GPM6B: variants seen among roughly 807,000 people sequenced by gnomAD.
GPM6B encodes the protein neuronal membrane glycoprotein M6-b.
GPM6B carries 4 observed loss-of-function variants against 27.2 expected under a neutral mutation model. The observed-to-expected ratio is 0.15, with a 90% CI of 0.07 to 0.34. GPM6B has a LOEUF of 0.34. GPM6B is among the 10% of genes least tolerant of loss of function. GPM6B has a pLI of 1.00. For missense variants in GPM6B, 183 were observed against 261.9 expected (o/e 0.70, Z 2.08); for synonymous variants, 124 against 103.1 (o/e 1.20, Z -1.23).
chrX:13,824,141 A>G (rs764079470), intron 1 of GPM6B, among the ~76,000 whole-genome samples: 8 of 111,989 alleles, frequency 7.1e-5, no homozygotes, highest in Admixed American at 5.6e-4. Flanking sequence ...TGGATGTGTA[A>G]CAGCATCCCT....
chrX:13,774,971 T>C (rs1190595016), intron 7 of GPM6B, among the ~76,000 whole-genome samples: 2 of 112,116 alleles, frequency 1.8e-5, no homozygotes, highest in Non-Finnish European at 3.8e-5. Flanking sequence ...CAGGCAGTTA[T>C]CTTTCCTCCC....
At chrX:13,783,990 T>C (rs776846157) in intron 3 of GPM6B, 2 of 259,338 alleles carry the variant, frequency 7.7e-6, no homozygotes, top group Non-Finnish European at 1.5e-5. Flanking sequence ...AACCCCTAAG[T>C]AGGCACTCAG....
In GPM6B at chrX:13,817,056, C is replaced by T; in HGVS notation, c.-152G>A. 9.5e-7 allele frequency: 1 copy of T among 1,050,186 alleles called. No individual in the cohort carries two copies. Among genetic ancestry groups the T allele is most frequent in the Non-Finnish European group, 1.2e-6 (1 of 818,600 alleles). The allele number at this position is 1,050,186 out of a possible 1,213,427, so 86.5% of individuals were successfully genotyped here. On this transcript the variant is annotated 5_prime_UTR_variant, in exon 1 of 8. Coordinates refer to ENST00000316715, the MANE Select transcript of GPM6B (RefSeq NM_001001995.3). ...TCACTACAGTAGATTACAGTCCCTT[C>T]CAAGATGCAAAAGTCTTGTCAGCGT...
intron 1 of GPM6B, among the ~76,000 whole-genome samples, chrX:13,907,767 A>T (rs1320434634): frequency 8.9e-6 from 1 of 112,635 alleles, no homozygotes; most frequent in Admixed American, 9.4e-5. Flanking sequence ...AATTGGCAGA[A>T]AAAAATGCTT....
At chrX:13,924,349 G>C (rs1251547106) in intron 1 of GPM6B, among the ~76,000 whole-genome samples, 3 of 111,106 alleles carry the variant, frequency 2.7e-5, no homozygotes, top group Non-Finnish European at 5.7e-5. Context: ...GCCCAGGCTG[G>C]AGTGCAGTGG....
chrX:13,780,397 T>C (rs1159988806), intron 4 of GPM6B, among the ~76,000 whole-genome samples: 1 of 111,801 alleles, frequency 8.9e-6, no homozygotes, highest in African/African-American at 3.3e-5. Context: ...CTGGATGTAT[T>C]CCATATACCA....
rs757124975 is a variant in GPM6B at position 13,907,023 on chromosome X, GTC to G, written c.-198+31302_-198+31303del. On this transcript the variant is annotated intron_variant, in intron 1 of 6. Coordinates refer to the GPM6B transcript ENST00000398361. Reference sequence around the variant, plus strand: ...TATGATGGAATAAATATACAAAATAGTCTCTATGCTTTTTCTGTTTCTGTGTC... The same window carrying G: ...TATGATGGAATAAATATACAAAATAGTCTATGCTTTTTCTGTTTCTGTGTC... Among the ~76,000 whole-genome samples the G allele has an allele frequency of 8.9e-5, 10 of 112,418 alleles. No homozygotes were observed. In the East Asian group the frequency reaches 1.7e-3, roughly 19 times the overall value.
chrX:13,799,190 A>ATTTTTTTTTTTTTTTTTTTTTTTTTTTTT (rs763194245), intron 2 of GPM6B, among the ~76,000 whole-genome samples: 1 of 35,957 alleles, frequency 2.8e-5, no homozygotes, highest in Non-Finnish European at 4.7e-5. Flanking sequence ...AGCCAACCTA[A>ATTTTTTTTTTTTTTTTTTTTTTTTTTTTT]TTTTTTTTTT....
At chrX:13,905,599 G>A (rs779384270) in intron 1 of GPM6B, among the ~76,000 whole-genome samples, 98 of 111,399 alleles carry the variant, frequency 8.8e-4, no homozygotes, top group Admixed American at 1.9e-3. Context: ...GAAGATGACC[G>A]CCTCCAAGAA....
chrX:13,801,006 G>A (rs1367824719), intron 2 of GPM6B, among the ~76,000 whole-genome samples: 1 of 106,386 alleles, frequency 9.4e-6, no homozygotes, highest in African/African-American at 3.5e-5. Context: ...CATTCTTAGC[G>A]ATTCCGATTC....
intron 2 of GPM6B, among the ~76,000 whole-genome samples, chrX:13,797,701 G>T (rs989804687): frequency 9.0e-6 from 1 of 111,275 alleles, no homozygotes; most frequent in Non-Finnish European, 1.9e-5. Context: ...CTGGTGTGTG[G>T]GCTGGACTGG....
chrX:13,853,610 A>AT (rs2049746056), intron 1 of GPM6B, among the ~76,000 whole-genome samples: 1 of 107,260 alleles, frequency 9.3e-6, no homozygotes, highest in Non-Finnish European at 1.9e-5. Context: ...AAAAAAAAAA[A>AT]AAAGGGAAAA....
At chrX:13,832,342 C>G (rs1486716526) in intron 1 of GPM6B, among the ~76,000 whole-genome samples, 1 of 112,330 alleles carries the variant, frequency 8.9e-6, no homozygotes, top group Admixed American at 9.4e-5. Context: ...CTATCCAACA[C>G]GCAGTTAGAC....
chrX:13,931,782 T>C (rs182246593), intron 1 of GPM6B, among the ~76,000 whole-genome samples: 3 of 112,145 alleles, frequency 2.7e-5, no homozygotes, highest in East Asian at 5.6e-4. Flanking sequence ...CCAAATCGTA[T>C]TTCCTACTCT....
At chrX:13,809,666 G>A (rs889010073) in intron 1 of GPM6B, among the ~76,000 whole-genome samples, 13 of 110,473 alleles carry the variant, frequency 1.2e-4, no homozygotes, top group Non-Finnish European at 1.9e-4. Context: ...GCCAGGTGTG[G>A]TGGCTCATGC....
chrX:13,868,306 G>C (rs1045605819), intron 1 of GPM6B, among the ~76,000 whole-genome samples: 10 of 111,521 alleles, frequency 9.0e-5, no homozygotes, highest in Non-Finnish European at 1.1e-4. Context: ...AAAATTGCTA[G>C]ATTTCAAAAA....
chrX:13,842,657 T>C (rs1374909224), intron 1 of GPM6B, among the ~76,000 whole-genome samples: 1 of 111,142 alleles, frequency 9.0e-6, no homozygotes, highest in African/African-American at 3.3e-5. Flanking sequence ...GATGGGAGGA[T>C]TGCTTGAGGC....
intron 7 of GPM6B, chrX:13,773,662 C>T (rs2048345411): frequency 9.0e-6 from 1 of 111,582 alleles, no homozygotes; most frequent in Non-Finnish European, 1.9e-5. Flanking sequence ...CAGTATCATT[C>T]TTTACACTTG....
intron 1 of GPM6B, among the ~76,000 whole-genome samples, chrX:13,857,341 C>A (rs1056574823): frequency 1.8e-5 from 2 of 112,048 alleles, no homozygotes; most frequent in African/African-American, 6.5e-5. Flanking sequence ...TACTAGCCAA[C>A]CTCACTTAAT....
Sources: allele counts gnomAD v4.1 joint callset (sites outside exome capture counted in the v4.1 genomes callset), GRCh38; gene constraint gnomAD v4.1.1; transcripts MANE v1.5; gene names NCBI Gene and HGNC (gene_info 2026-07-23, HGNC 2026-07-21).